HOXD3: variants seen among roughly 807,000 people sequenced by gnomAD.
HOXD3 encodes homeobox D3, also known as homeobox protein Hox-D3.
Under a neutral mutation model 32.8 loss-of-function variants are expected in HOXD3, and 13 were observed. That is an observed-to-expected ratio of 0.40 (90% CI 0.26 to 0.63). HOXD3 has a LOEUF of 0.63. Ranked by LOEUF, HOXD3 falls within the 20% of genes least tolerant of loss-of-function variation. The pLI is 0.44. For missense variants in HOXD3, 504 were observed against 577.1 expected (o/e 0.87, Z 1.30); for synonymous variants, 241 against 246.8 (o/e 0.98, Z 0.22).
chr2:176,161,089 T>C (rs1010523603), intron 1 of HOXD3: 1 of 152,228 alleles, frequency 6.6e-6, no homozygotes, highest in African/African-American at 2.4e-5. Context: ...AGGTAAGCAA[T>C]TGCATGACAA....
intron 2 of HOXD3, among the ~76,000 whole-genome samples, chr2:176,165,867 C>G (rs1448631231): frequency 1.3e-5 from 2 of 152,108 alleles, no homozygotes; most frequent in African/African-American, 2.4e-5. Context: ...AGCCACTGAA[C>G]AGTTGACCAT....
chr2:176,155,912 A>G (rs531079109), upstream of HOXD3, among the ~76,000 whole-genome samples: 3 of 152,266 alleles, frequency 2.0e-5, no homozygotes, highest in African/African-American at 7.2e-5. Flanking sequence ...GGGAGATGAC[A>G]CTGTCAGTCA....
In HOXD3 at chr2:176,172,106, C is replaced by A; in HGVS notation, c.1131C>A (p.Gly377=). Residue 377 remains glycine, a synonymous_variant, in exon 4 of 4, where the codon GGC becomes GGA. Coordinates refer to ENST00000683222, the MANE Select transcript of HOXD3 (RefSeq NM_006898.5). The part of the protein sequence containing the change: ...APASGPVFNL[G]HLSHPSSASV... ...CGTCCGGGCCTGTCTTCAACCTGGG[C>A]CACCTCTCGCACCCGTCGTCGGCCA... is the stretch of plus-strand genomic sequence containing the variant. The A allele has an allele frequency of 6.2e-7, 1 of 1,612,658 alleles. No individual in the cohort carries two copies. Among genetic ancestry groups the A allele is most frequent in the Non-Finnish European group, 8.5e-7 (1 of 1,179,910 alleles).
chr2:176,172,265 G>GC lies in HOXD3; in HGVS notation c.1291dup (p.His431ProfsTer71). 1.3e-6 allele frequency: 2 copies of GC among 1,593,104 alleles called. No homozygotes were observed. The highest frequency in any genetic ancestry group is 1.7e-6 in the Non-Finnish European group (2 of 1,172,346). The stretch of plus-strand genomic sequence containing the variant: ...GACTGCCGGAGGCTCCCAAACTGAC[G>GC]CATCTGTAGCGGCCGCCGCCAGCCC... On this transcript the variant is annotated frameshift_variant, in exon 4 of 4. Transcript: ENST00000683222. LOFTEE classifies it high-confidence loss of function.
At chr2:176,154,061 A>AG (rs1454929335), upstream of HOXD3, among the ~76,000 whole-genome samples, 3 of 151,762 alleles carry the variant, frequency 2.0e-5, no homozygotes, top group Admixed American at 2.0e-4. Flanking sequence ...TGCTTTAAGA[A>AG]GGAAAAAAAA....
At chr2:176,155,212 G>T (rs1690619902), upstream of HOXD3, among the ~76,000 whole-genome samples, 1 of 152,088 alleles carries the variant, frequency 6.6e-6, no homozygotes. Context: ...TTCTCTTTGA[G>T]AAGGGGAAAA....
rs374967073 is a variant in HOXD3 at position 176,172,081 on chromosome 2, C to T, written c.1106C>T (p.Ala369Val). The T allele has an allele frequency of 1.2e-6, 2 of 1,611,218 alleles. No individual in the cohort carries two copies. The highest frequency in any genetic ancestry group is 2.2e-5 in the East Asian group (1 of 44,864). The change falls in exon 4 of 4, where the codon GCG (alanine) becomes GTG (valine). Residue 369 changes from alanine to valine, a missense_variant. Around this residue, in one of 3 missense-constraint regions of HOXD3, gnomAD observed 226 missense variants for 246.9 expected, o/e 0.92. Coordinates refer to ENST00000683222, the MANE Select transcript of HOXD3 (RefSeq NM_006898.5). ...GGNFVESMAP[A>V]SGPVFNLGHL... ...AACTTCGTCGAGTCCATGGCGCCCG[C>T]GTCCGGGCCTGTCTTCAACCTGGGC...
chr2:176,165,295 C>G (rs1690928947), intron 2 of HOXD3: 1 of 152,276 alleles, frequency 6.6e-6, no homozygotes, highest in Non-Finnish European at 1.5e-5. Flanking sequence ...ATAACCCCGT[C>G]CCCTGGTCGC....
chr2:176,168,638 C>A (rs1389561583), intron 2 of HOXD3, among the ~76,000 whole-genome samples: 2 of 151,380 alleles, frequency 1.3e-5, no homozygotes, highest in Non-Finnish European at 2.9e-5. Context: ...TGCAGAGTAG[C>A]TGGGACTCTG....
At chr2:176,162,718 C>A (rs952662629) in intron 1 of HOXD3, among the ~76,000 whole-genome samples, 21 of 152,290 alleles carry the variant, frequency 1.4e-4, no homozygotes, top group African/African-American at 5.1e-4. Flanking sequence ...ACCCCGGAAC[C>A]CCCAGGCGCA....
Position 176,169,779 on chromosome 2 carries a change from G to T in HOXD3, c.541+124G>T, listed in dbSNP as rs1027451577. 17 of 1,258,608 alleles carry T rather than the reference G, an allele frequency of 1.4e-5. No homozygotes were observed. The Admixed American group carries it at 1.5e-4, about 11-fold the overall frequency. 78.0% of individuals were successfully genotyped at this position (1,258,608 alleles called of 1,614,324 possible). The stretch of plus-strand genomic sequence containing the variant: ...TCTAAACTCCTACTCACGTCAAAAT[G>T]TTCTTTTTTTTAGTGTTCCTGATTG... On this transcript the variant is annotated intron_variant, in intron 3 of 3. Coordinates refer to ENST00000683222, the MANE Select transcript of HOXD3 (RefSeq NM_006898.5).
At chr2:176,157,200 A>G (rs1690666219), upstream of HOXD3, among the ~76,000 whole-genome samples, 1 of 152,164 alleles carries the variant, frequency 6.6e-6, no homozygotes, top group African/African-American at 2.4e-5. Context: ...GCCTTTCATA[A>G]CCCGGAGAAT....
upstream of HOXD3, among the ~76,000 whole-genome samples, chr2:176,157,177 C>T (rs1323954566): frequency 6.6e-6 from 1 of 152,166 alleles, no homozygotes; most frequent in Non-Finnish European, 1.5e-5. Flanking sequence ...GGCTCGCTGG[C>T]AGCCGGGGGA....
At chr2:176,156,235 A>G (rs1690641357), upstream of HOXD3, among the ~76,000 whole-genome samples, 1 of 152,198 alleles carries the variant, frequency 6.6e-6, no homozygotes, top group Admixed American at 6.5e-5. Context: ...AAGGCTTAGC[A>G]ATTCTATTAT....
At chr2:176,157,620 T>TA (rs1266980577) in intron 1 of HOXD3, among the ~76,000 whole-genome samples, 168 bp downstream of exon 1, 1 of 152,084 alleles carries the variant, frequency 6.6e-6, no homozygotes, top group Non-Finnish European at 1.5e-5. Flanking sequence ...GCTTTGCACT[T>TA]ATGAAAAATT....
chr2:176,158,116 C>T (rs1396889841), intron 1 of HOXD3, among the ~76,000 whole-genome samples: 1 of 152,262 alleles, frequency 6.6e-6, no homozygotes, highest in Non-Finnish European at 1.5e-5. Context: ...CTGCCTCTGT[C>T]ACCCCAGCGA....
At chr2:176,158,420 A>G (rs943604645) in intron 1 of HOXD3, among the ~76,000 whole-genome samples, 3 of 152,176 alleles carry the variant, frequency 2.0e-5, no homozygotes, top group African/African-American at 7.2e-5. Flanking sequence ...GGGCTGGGGC[A>G]GTAGCGAGCA....
upstream of HOXD3, chr2:176,152,913 G>A: frequency 4.3e-6 from 7 of 1,614,174 alleles, no homozygotes; most frequent in Non-Finnish European, 5.9e-6. This position sits in a 1 kb window ranked among gnomAD's most constrained non-coding sequence, Gnocchi z 5.2. Context: ...GATGGCCAAA[G>A]ACCACCACAC....
intron 1 of HOXD3, among the ~76,000 whole-genome samples, chr2:176,161,826 A>G (rs1224592629): frequency 6.6e-6 from 1 of 152,176 alleles, no homozygotes; most frequent in African/African-American, 2.4e-5. Context: ...TCCCCAAAGA[A>G]CCCTGAATGA....
Sources: allele counts gnomAD v4.1 joint callset (sites outside exome capture counted in the v4.1 genomes callset), GRCh38; gene constraint gnomAD v4.1.1; regional missense constraint gnomAD v4.1.1; non-coding constraint Gnocchi (gnomAD v3.1); transcripts MANE v1.5; gene names NCBI Gene and HGNC (gene_info 2026-07-23, HGNC 2026-07-21).